Variants in XKR4 observed in about 807,000 individuals in gnomAD.
The protein encoded by XKR4 is XK related 4.
A neutral mutation model predicts 53.9 loss-of-function variants in XKR4; 12 were observed. The ratio of observed to expected loss-of-function variants is 0.22; its 90% CI spans 0.14 to 0.36. The LOEUF (loss-of-function observed/expected upper bound fraction) is 0.36. Among genes scored for constraint, XKR4 ranks in the 10% least tolerant of loss-of-function variants. The pLI, the probability that XKR4 is intolerant of heterozygous loss-of-function variation, is 1.00. For synonymous variants in XKR4, 354 were observed against 362.4 expected, an observed-to-expected ratio of 0.98 and a Z score of 0.26; for missense variants, 799 against 859.5, an observed-to-expected ratio of 0.93 and a Z score of 0.88.
intron 1 of XKR4, among the ~76,000 whole-genome samples, chr8:55,329,326 A>G (rs1048620864): frequency 2.0e-5 from 3 of 151,946 alleles, no homozygotes; most frequent in Non-Finnish European, 4.4e-5. Flanking sequence ...ACGGCTCTGC[A>G]TTGCTGCCCA....
chr8:55,410,560 T>C (rs950189394), intron 2 of XKR4, among the ~76,000 whole-genome samples: 4 of 152,134 alleles, frequency 2.6e-5, no homozygotes, highest in African/African-American at 7.2e-5. Flanking sequence ...CCAGGGCCCT[T>C]TGTGGACTCA....
At position 55,257,029 on chromosome 8, in the gene XKR4, A is replaced by T. The variant is rs141468856; in HGVS notation, c.807-100649A>T. On this transcript the variant is annotated intron_variant, in intron 1 of 2. Transcript: ENST00000327381. ...TTTTGTAAGGGTACTGATCCCATTC[A>T]TGAGGGTGGAGCCCTCCTGACTTAA... 9.6e-3 allele frequency among the ~76,000 whole-genome samples: 1,461 copies of T among 152,288 alleles called. 100 individuals are homozygous for T. The highest frequency in any genetic ancestry group is 0.086 in the Admixed American group (1,315 of 15,292).
intron 2 of XKR4, among the ~76,000 whole-genome samples, chr8:55,483,800 T>G (rs1191986867): frequency 6.7e-6 from 1 of 148,374 alleles, no homozygotes; most frequent in Admixed American, 6.7e-5. Flanking sequence ...GCAAAATTAA[T>G]GCAAAACAGG....
chr8:55,351,533 A>T (rs1004037730), intron 1 of XKR4, among the ~76,000 whole-genome samples: 1 of 152,222 alleles, frequency 6.6e-6, no homozygotes, highest in African/African-American at 2.4e-5. Flanking sequence ...CTGGAAAGAA[A>T]GTAGCTCAGG....
intron 1 of XKR4, among the ~76,000 whole-genome samples, chr8:55,259,203 G>A (rs1452738131): frequency 2.0e-5 from 3 of 152,176 alleles, no homozygotes; most frequent in African/African-American, 4.8e-5. Flanking sequence ...GGTGGGCCTC[G>A]CAGCTTTAGA....
intron 1 of XKR4, among the ~76,000 whole-genome samples, chr8:55,275,572 A>C (rs1818752622): frequency 6.6e-6 from 1 of 152,200 alleles, no homozygotes; most frequent in Admixed American, 6.5e-5. Context: ...TTTCTTCATA[A>C]CTGGATCATC....
At chr8:55,512,877 A>T (rs1412191975) in intron 2 of XKR4, among the ~76,000 whole-genome samples, 2 of 152,134 alleles carry the variant, frequency 1.3e-5, no homozygotes, top group African/African-American at 4.8e-5. Context: ...TCTACCTGGT[A>T]GGCAGAGACT....
chr8:55,119,606 AGG>A (rs1383579108), intron 1 of XKR4, among the ~76,000 whole-genome samples: 80 of 152,264 alleles, frequency 5.3e-4, no homozygotes, highest in African/African-American at 1.8e-3. Context: ...AATGAGTGTC[AGG>A]GGAGGCTCAC....
intron 1 of XKR4, among the ~76,000 whole-genome samples, chr8:55,342,019 A>G (rs1326305778): frequency 6.6e-6 from 1 of 152,038 alleles, no homozygotes; most frequent in South Asian, 2.1e-4. Flanking sequence ...CATGCATCCA[A>G]CTGTCTACTC....
chr8:55,146,981 G>A (rs978233124), intron 1 of XKR4, among the ~76,000 whole-genome samples: 1 of 152,204 alleles, frequency 6.6e-6, no homozygotes, highest in Non-Finnish European at 1.5e-5. Flanking sequence ...CAGAAGGGAA[G>A]CCATGCAATA....
At chr8:55,497,384 G>T (rs889013309) in intron 2 of XKR4, among the ~76,000 whole-genome samples, 1 of 152,278 alleles carries the variant, frequency 6.6e-6, no homozygotes, top group Admixed American at 6.5e-5. Flanking sequence ...GCAGCTTATT[G>T]ATTATATTTT....
chr8:55,289,646 A>AAAGAAAGAAAGAAAGGAAGGAAGGAAGG (rs1221597017), intron 1 of XKR4, among the ~76,000 whole-genome samples: 1 of 87,020 alleles, frequency 1.1e-5, no homozygotes, highest in African/African-American at 5.6e-5. Flanking sequence ...AGAAAGAAAG[A>AAAGAAAGAAAGAAAGGAAGGAAGGAAGG]AAGGAAGGAA....
At chr8:55,490,984 A>C (rs564644606) in intron 2 of XKR4, among the ~76,000 whole-genome samples, 1 of 149,854 alleles carries the variant, frequency 6.7e-6, no homozygotes, top group East Asian at 2.0e-4. Context: ...ACAGTTTGCT[A>C]TTGTTTCATA....
chr8:55,102,408 G>A lies in XKR4; in HGVS notation c.-81G>A. 1 of 1,438,276 alleles carries A rather than the reference G, an allele frequency of 7.0e-7. No homozygotes were observed. Among genetic ancestry groups the A allele is most frequent in the Non-Finnish European group, 9.2e-7 (1 of 1,081,320 alleles). 89.1% of individuals were successfully genotyped at this position (1,438,276 alleles called of 1,614,324 possible). A position where few individuals can be genotyped will look rare whatever the true frequency, so the allele number is the denominator to read the frequency against. ...CACCGCCTGGGAGGGAAGCCGGGGC[G>A]AGGCGAGGAGGTGGCGGGAGGAGGA... On this transcript the variant is annotated 5_prime_UTR_variant, in exon 1 of 3. Transcript: ENST00000327381. This position sits in a 1 kb window ranked among gnomAD's most constrained non-coding sequence, Gnocchi z 5.1.
chr8:55,457,805 A>G (rs979009362), intron 2 of XKR4, among the ~76,000 whole-genome samples: 20 of 152,238 alleles, frequency 1.3e-4, no homozygotes, highest in African/African-American at 4.6e-4. Context: ...ACATATTCAT[A>G]CACACACAGT....
chr8:55,477,567 A>G (rs1806018088), intron 2 of XKR4, among the ~76,000 whole-genome samples: 1 of 152,204 alleles, frequency 6.6e-6, no homozygotes, highest in Non-Finnish European at 1.5e-5. Flanking sequence ...AATGACTTTG[A>G]CAAGATGAGA....
intron 2 of XKR4, among the ~76,000 whole-genome samples, chr8:55,378,515 G>A (rs553764819): frequency 1.3e-5 from 2 of 152,304 alleles, no homozygotes; most frequent in African/African-American, 2.4e-5. Context: ...AAAAACAAGA[G>A]TACGATTAAC....
At chr8:55,378,724 A>G (rs1339781578) in intron 2 of XKR4, among the ~76,000 whole-genome samples, 1 of 152,224 alleles carries the variant, frequency 6.6e-6, no homozygotes, top group Non-Finnish European at 1.5e-5. Context: ...TGGGAAGTCA[A>G]TGGACAGAAG....
intron 1 of XKR4, among the ~76,000 whole-genome samples, chr8:55,180,851 A>T (rs1406118941): frequency 2.6e-5 from 4 of 151,576 alleles, no homozygotes; most frequent in Admixed American, 2.0e-4. Context: ...GGTATTTTTT[A>T]AAAATTATTT....
Sources: allele counts gnomAD v4.1 joint callset (sites outside exome capture counted in the v4.1 genomes callset), GRCh38; gene constraint gnomAD v4.1.1; non-coding constraint Gnocchi (gnomAD v3.1); transcripts MANE v1.5; gene names NCBI Gene and HGNC (gene_info 2026-07-23, HGNC 2026-07-21).